DNAH3: variants seen among roughly 807,000 people sequenced by gnomAD.
The protein encoded by DNAH3 is dynein axonemal heavy chain 3.
Under a neutral mutation model 432.5 loss-of-function variants are expected in DNAH3, and 332 were observed. That is an observed-to-expected ratio of 0.77 (90% CI 0.70 to 0.84). DNAH3 has a LOEUF of 0.84. Among genes scored for constraint, DNAH3 ranks in the 40% least tolerant of loss-of-function variants. The probability of loss-of-function intolerance (pLI) is 0.00; values close to 1 mark genes in which losing one functional copy is unlikely to be tolerated. For missense variants in DNAH3, 4,861 were observed against 5,114.0 expected (o/e 0.95, Z 1.51); for synonymous variants, 1,956 against 1,900.2 (o/e 1.03, Z -0.76).
Position 20,938,965 on chromosome 16 carries a change from A to G in DNAH3, c.11655-2112T>C, listed in dbSNP as rs551501254. Among the ~76,000 whole-genome samples, 7 of 152,222 alleles carry G rather than the reference A, an allele frequency of 4.6e-5. No individual in the cohort carries two copies. The East Asian group carries it at 1.4e-3, about 29-fold the overall frequency. The stretch of plus-strand genomic sequence containing the variant: ...TTTTTGGTAGAGATGGGGTTTTGCC[A>G]TGTTGCCCAAGCTGATCTCCAACTC... On this transcript the variant is annotated intron_variant, in intron 59 of 61. Coordinates refer to ENST00000261383, the Ensembl canonical transcript of DNAH3.
At chr16:20,945,415 G>T (rs900652573) in intron 57 of DNAH3, among the ~76,000 whole-genome samples, 3 of 151,806 alleles carry the variant, frequency 2.0e-5, no homozygotes, top group African/African-American at 7.3e-5. Flanking sequence ...ATATAATCAA[G>T]AAATAACTGT....
intron 57 of DNAH3, among the ~76,000 whole-genome samples, chr16:20,945,906 T>A (rs564188121): frequency 1.3e-5 from 2 of 152,318 alleles, no homozygotes; most frequent in Admixed American, 1.3e-4. Context: ...CCCCTTCCGA[T>A]AATAAAACTA....
intron 41 of DNAH3, chr16:21,019,015 C>T (rs1350086931): frequency 6.6e-6 from 1 of 152,088 alleles, no homozygotes; most frequent in Non-Finnish European, 1.5e-5. Context: ...GTCTATATTT[C>T]TCATTTTGTT....
At chr16:21,107,939 G>A (rs575429331) in intron 14 of DNAH3, among the ~76,000 whole-genome samples, 2 of 151,382 alleles carry the variant, frequency 1.3e-5, no homozygotes, top group South Asian at 2.1e-4. Flanking sequence ...CTCAGCTTAC[G>A]GCAACCTCCG....
intron 41 of DNAH3, among the ~76,000 whole-genome samples, chr16:21,018,939 A>G (rs753368673): frequency 6.6e-6 from 1 of 152,040 alleles, no homozygotes; most frequent in African/African-American, 2.4e-5. Flanking sequence ...TATTAATACC[A>G]TAAGTACCCT....
At chr16:20,945,012 T>A (rs2083982465) in intron 57 of DNAH3, among the ~76,000 whole-genome samples, 1 of 152,292 alleles carries the variant, frequency 6.6e-6, no homozygotes, top group South Asian at 2.1e-4. Context: ...CCATCTTGTA[T>A]AGGGACTGGG....
rs1048904080 is a variant in DNAH3, at chr16:21,075,638, C to T, written c.2970-77G>A. Reference sequence around the variant, plus strand: ...ATCAAAGGAGGAACTTCAGGCCAGGCATGGTGGCTCATGCCTGTAATCCCA... The same window carrying T: ...ATCAAAGGAGGAACTTCAGGCCAGGTATGGTGGCTCATGCCTGTAATCCCA... On this transcript the variant is annotated intron_variant, in intron 20 of 61. Coordinates refer to ENST00000261383, the Ensembl canonical transcript of DNAH3. 3.2e-5 allele frequency: 35 copies of T among 1,083,506 alleles called. No individual in the cohort carries two copies. The African/African-American group carries it at 5.1e-4, about 16-fold the overall frequency. The allele number at this position is 1,083,506 out of a possible 1,614,324, so 67.1% of individuals were successfully genotyped here. A position where few individuals can be genotyped will look rare whatever the true frequency, so the allele number is the denominator to read the frequency against.
chr16:20,991,077 C>T (rs2086534506), intron 44 of DNAH3, among the ~76,000 whole-genome samples: 1 of 152,086 alleles, frequency 6.6e-6, no homozygotes, highest in Non-Finnish European at 1.5e-5. Context: ...TTTGCCAGCC[C>T]TCCACAAAAG....
chr16:21,081,141 ACTC>A, intron 20 of DNAH3, among the ~76,000 whole-genome samples: 1 of 151,474 alleles, frequency 6.6e-6, no homozygotes, highest in East Asian at 1.9e-4. Context: ...CTGGTCTTGA[ACTC>A]CTGACCTCAA....
At chr16:21,016,763 C>A (rs963408391) in intron 41 of DNAH3, among the ~76,000 whole-genome samples, 1 of 152,170 alleles carries the variant, frequency 6.6e-6, no homozygotes, top group Admixed American at 6.6e-5. Context: ...CTCAAGGATC[C>A]ACTGACAGAT....
chr16:21,064,018 A>G (rs1447290982), intron 24 of DNAH3, among the ~76,000 whole-genome samples: 1 of 152,200 alleles, frequency 6.6e-6, no homozygotes, highest in East Asian at 1.9e-4. Flanking sequence ...AATATGGTGG[A>G]TTACAAAAAT....
chr16:20,987,267 C>T (rs769997739), intron 47 of DNAH3, 38 bp downstream of exon 47: 1 of 1,610,206 alleles, frequency 6.2e-7, no homozygotes, highest in Admixed American at 1.7e-5. Flanking sequence ...ACACTTGGAA[C>T]CATTTCTGAG....
chr16:21,156,375 G>T (rs1371143528), intron 1 of DNAH3, among the ~76,000 whole-genome samples: 3 of 152,004 alleles, frequency 2.0e-5, no homozygotes, highest in African/African-American at 7.3e-5. Flanking sequence ...GGGACTACAG[G>T]CATGTGCCAC....
intron 30 of DNAH3, 34 bp downstream of exon 30, chr16:21,049,876 G>A: frequency 6.4e-7 from 1 of 1,560,962 alleles, no homozygotes. Context: ...AGAGGGCCTG[G>A]AAGAGAGGGA....
intron 41 of DNAH3, 100 bp from the exon 42 acceptor site, chr16:21,003,307 T>A (rs367675957): frequency 1.4e-6 from 1 of 736,980 alleles, no homozygotes; most frequent in Non-Finnish European, 2.3e-6. Flanking sequence ...CATATGAAAA[T>A]GTGTAACTAC....
At chr16:21,042,294 AACCCAATC>A (rs1409565714) in intron 31 of DNAH3, 91 bp from the exon 32 acceptor site, 1 of 1,376,720 alleles carries the variant, frequency 7.3e-7, no homozygotes, top group Non-Finnish European at 9.8e-7. Flanking sequence ...GCAAAGAAAG[AACCCAATC>A]ACCCAAAAAC....
At chr16:21,019,412 A>G in intron 41 of DNAH3, 1 of 602,236 alleles carries the variant, frequency 1.7e-6, no homozygotes. Context: ...TGCCCACCTC[A>G]GCCTCCCAAA....
chr16:20,983,009 G>A (rs2152664599), intron 48 of DNAH3, 123 bp from the exon 49 acceptor site: 1 of 981,104 alleles, frequency 1.0e-6, no homozygotes, highest in East Asian at 2.4e-5. Flanking sequence ...GGCGCTCCAG[G>A]GATGTGACTG....
At chr16:20,941,531 C>G in exon 59 of DNAH3, 1 of 1,614,174 alleles carries the variant, frequency 6.2e-7, no homozygotes, top group South Asian at 1.1e-5. Context: ...TGTGCCAACT[C>G]CTCAACCACT....
Sources: allele counts gnomAD v4.1 joint callset (sites outside exome capture counted in the v4.1 genomes callset), GRCh38; gene constraint gnomAD v4.1.1; transcripts MANE v1.5; gene names NCBI Gene and HGNC (gene_info 2026-07-23, HGNC 2026-07-21).